The following CFAP221 variants were observed in gnomAD, a reference collection of about 807,000 sequenced individuals.
The protein encoded by CFAP221 is cilia and flagella associated protein 221, also known as cilia- and flagella-associated protein 221.
In CFAP221, 97 loss-of-function variants were observed where a neutral mutation model predicts 113.1. The observed-to-expected ratio is 0.86, with a 90% CI of 0.73 to 1.02. The LOEUF (loss-of-function observed/expected upper bound fraction) is 1.02, where lower values mean the gene tolerates loss of function less well. Ranked by LOEUF, CFAP221 falls within the 50% of genes least tolerant of loss-of-function variation. The pLI is 0.00. For synonymous variants in CFAP221, 331 were observed against 354.4 expected, an observed-to-expected ratio of 0.93 and a Z score of 0.74; for missense variants, 1,025 against 1,013.4, an observed-to-expected ratio of 1.01 and a Z score of -0.16.
intron 6 of CFAP221, among the ~76,000 whole-genome samples, chr2:119,568,523 T>C (rs1449707525): frequency 6.6e-6 from 1 of 152,034 alleles, no homozygotes; most frequent in East Asian, 1.9e-4. Context: ...CCAGTGTGTG[T>C]TGTTCCCCTC....
chr2:119,645,035 T>A (rs1687717551), intron 21 of CFAP221, among the ~76,000 whole-genome samples: 1 of 120,196 alleles, frequency 8.3e-6, no homozygotes, highest in African/African-American at 3.2e-5. Flanking sequence ...GGGTATGTAG[T>A]CAAATAACTT....
intron 2 of CFAP221, 47 bp downstream of exon 2, chr2:119,546,317 G>A: frequency 2.0e-6 from 3 of 1,516,702 alleles, no homozygotes; most frequent in Non-Finnish European, 1.8e-6. Context: ...CATCTTCCCA[G>A]GCGAGCCAAA....
chr2:119,660,284 C>G (rs2104831558), downstream of CFAP221: 1 of 152,330 alleles, frequency 6.6e-6, no homozygotes, highest in Middle Eastern at 3.4e-3. Flanking sequence ...TAACCCGTTT[C>G]CACCAAATCG....
chr2:119,600,257 A>G (rs1684275104), intron 7 of CFAP221, among the ~76,000 whole-genome samples: 1 of 152,246 alleles, frequency 6.6e-6, no homozygotes, highest in Admixed American at 6.5e-5. Flanking sequence ...CACCAGAGAT[A>G]CAAAAGAGGA....
rs188737653 is a variant in CFAP221 at position 119,552,802 on chromosome 2, T to G, written c.240+3617T>G. ...ATTTCTTTCTTTAATAAGAAATAAATAGAAATATTTCTTTAATAAGAAATA... is the reference window on the plus strand; with the variant it reads ...ATTTCTTTCTTTAATAAGAAATAAAGAGAAATATTTCTTTAATAAGAAATA... On this transcript the variant is annotated intron_variant, in intron 3 of 23. Coordinates refer to ENST00000413369, the MANE Select transcript of CFAP221 (RefSeq NM_001271049.2). Among the ~76,000 whole-genome samples, 51 of 93,896 alleles carry G rather than the reference T, an allele frequency of 5.4e-4. 9 individuals are homozygous for G. The highest frequency in any genetic ancestry group is 1.4e-3 in the East Asian group (3 of 2,150). 61.6% of individuals were successfully genotyped at this position (93,896 alleles called of 152,430 possible).
intron 6 of CFAP221, among the ~76,000 whole-genome samples, chr2:119,565,915 C>T (rs75580062): frequency 0.018 from 2,792 of 152,278 alleles, 48 homozygotes; most frequent in East Asian, 0.07. Context: ...TTTGGGTGGG[C>T]TGTTTATTCA....
intron 3 of CFAP221, among the ~76,000 whole-genome samples, chr2:119,550,139 C>T (rs1680317807): frequency 6.6e-6 from 1 of 152,228 alleles, no homozygotes; most frequent in Non-Finnish European, 1.5e-5. Flanking sequence ...CATGCGCCCT[C>T]TGAGACTCTG....
At chr2:119,630,981 T>C in intron 19 of CFAP221, 80 bp downstream of exon 19, 1 of 1,514,132 alleles carries the variant, frequency 6.6e-7, no homozygotes, top group Non-Finnish European at 8.9e-7. Context: ...GAGCACTCAT[T>C]GGGAATATTT....
At position 119,602,573 on chromosome 2, in the gene CFAP221, A is replaced by G. The variant is rs1372926161; in HGVS notation, c.791+1196A>G. The G allele has an allele frequency of 3.1e-6, 3 of 962,012 alleles. No individual in the cohort carries two copies. In the African/African-American group the frequency reaches 5.3e-5, roughly 17 times the overall value. 59.6% of individuals were successfully genotyped at this position (962,012 alleles called of 1,614,324 possible). ...TCAAAATATGAACTCACTCCATGAT[A>G]TCTTAGATATTTATATCATGATTTT... On this transcript the variant is annotated intron_variant, in intron 8 of 23. Transcript: ENST00000413369.
rs531703053 is a variant in CFAP221 at position 119,601,095 on chromosome 2, G to A, written c.632-123G>A. On this transcript the variant is annotated intron_variant, in intron 7 of 23. Transcript: ENST00000413369. ...GTTATGTGTGGATTTTCAATTGTGT[G>A]GGGAGTCAGTGCCCCTAATCTCCAC... 905 of 969,806 alleles carry A rather than the reference G, an allele frequency of 9.3e-4. 1 individual carries two copies. The highest frequency in any genetic ancestry group is 1.2e-3 in the Non-Finnish European group (808 of 700,756). The allele number at this position is 969,806 out of a possible 1,614,324, so 60.1% of individuals were successfully genotyped here. A position where few individuals can be genotyped will look rare whatever the true frequency, so the allele number is the denominator to read the frequency against.
chr2:119,631,832 A>G (rs905969034), intron 19 of CFAP221, among the ~76,000 whole-genome samples: 5 of 152,256 alleles, frequency 3.3e-5, no homozygotes, highest in African/African-American at 1.2e-4. Flanking sequence ...AGATGACATC[A>G]CTACATATTC....
At chr2:119,585,738 A>T (rs1217236874) in intron 6 of CFAP221, among the ~76,000 whole-genome samples, 1 of 152,194 alleles carries the variant, frequency 6.6e-6, no homozygotes, top group African/African-American at 2.4e-5. Flanking sequence ...TACTGAAAAA[A>T]GGGTTATTTC....
At chr2:119,608,052 A>C (rs529051996) in intron 11 of CFAP221, among the ~76,000 whole-genome samples, 1 of 152,308 alleles carries the variant, frequency 6.6e-6, no homozygotes, top group Admixed American at 6.5e-5. Flanking sequence ...GTCATATGGT[A>C]ACTCTATGTT....
chr2:119,655,445 A>G (rs996693640), intron 23 of CFAP221, among the ~76,000 whole-genome samples: 27 of 152,214 alleles, frequency 1.8e-4, no homozygotes, highest in African/African-American at 6.5e-4. Context: ...GGAACATCTT[A>G]ATTCTCCATT....
chr2:119,656,465 G>A lies in CFAP221; in HGVS notation c.2518G>A (p.Glu840Lys), dbSNP rs1558679444. The change falls in exon 24 of 24, where the codon GAA becomes AAA. Residue 840 changes from glutamate to lysine, a missense_variant. Glu to Lys is a moderately conservative substitution (Grantham distance 56). Coordinates refer to ENST00000413369, the MANE Select transcript of CFAP221 (RefSeq NM_001271049.2). ...AGCACTCAACACATACCTGATTCTA[G>A]AATGAAAGTCACCAGTAGGTCAGTC... ...GKALNTYLIL[E>K] The A allele has an allele frequency of 1.9e-6, 3 of 1,612,362 alleles. No homozygotes were observed. The South Asian group carries it at 3.3e-5, about 18-fold the overall frequency.
chr2:119,604,616 T>G (rs1684596617), intron 8 of CFAP221, 56 bp from the exon 9 acceptor site: 1 of 1,447,876 alleles, frequency 6.9e-7, no homozygotes, highest in Non-Finnish European at 9.1e-7. Flanking sequence ...CATAAAACAT[T>G]AGGAACCTTG....
intron 16 of CFAP221, among the ~76,000 whole-genome samples, chr2:119,628,215 G>A (rs923236119): frequency 5.9e-5 from 9 of 151,646 alleles, no homozygotes; most frequent in Non-Finnish European, 8.8e-5. Flanking sequence ...GACCTCATAA[G>A]AAGGGAATGT....
chr2:119,562,889 C>T (rs569266528), intron 6 of CFAP221, among the ~76,000 whole-genome samples: 1 of 152,148 alleles, frequency 6.6e-6, no homozygotes, highest in Non-Finnish European at 1.5e-5. Flanking sequence ...TGGTGGCTCA[C>T]GCTTGTAATC....
intron 19 of CFAP221, among the ~76,000 whole-genome samples, chr2:119,636,086 C>CT (rs759295385): frequency 1.3e-5 from 2 of 151,996 alleles, no homozygotes; most frequent in African/African-American, 2.4e-5. Flanking sequence ...GAACTCTTCT[C>CT]TAACGGTGGC....
Sources: allele counts gnomAD v4.1 joint callset (sites outside exome capture counted in the v4.1 genomes callset), GRCh38; gene constraint gnomAD v4.1.1; transcripts MANE v1.5; gene names NCBI Gene and HGNC (gene_info 2026-07-23, HGNC 2026-07-21).